Variants in FSCN2 observed in about 807,000 individuals in gnomAD.
FSCN2 encodes fascin actin-bundling protein 2, retinal, also known as fascin-2.
A neutral mutation model predicts 37.8 loss-of-function variants in FSCN2; 46 were observed. That is an observed-to-expected ratio of 1.22 (90% CI 0.96 to 1.56). The LOEUF is 1.56. Among genes scored for constraint, FSCN2 ranks in the 40% most tolerant of loss-of-function variants. The probability of loss-of-function intolerance (pLI) is 0.00; values close to 1 mark genes in which losing one functional copy is unlikely to be tolerated. For synonymous variants in FSCN2, 351 were observed against 309.4 expected, an observed-to-expected ratio of 1.13 and a Z score of -1.41; for missense variants, 844 against 730.4, an observed-to-expected ratio of 1.16 and a Z score of -1.79.
upstream of FSCN2, chr17:81,528,297 A>C: frequency 1.8e-6 from 1 of 559,782 alleles, no homozygotes; most frequent in Non-Finnish European, 3.2e-6. Flanking sequence ...CCTAAGCCGC[A>C]CGTCTCTGAT....
At position 81,536,759 on chromosome 17, in the gene FSCN2, A is replaced by C; in HGVS notation, c.1243A>C (p.Ser415Arg). 1 of 1,607,102 alleles carries C rather than the reference A, an allele frequency of 6.2e-7. No homozygotes were observed. Among genetic ancestry groups the C allele is most frequent in the Non-Finnish European group, 8.5e-7 (1 of 1,177,012 alleles). The change falls in exon 4 of 5, where the codon AGC (serine) becomes CGC (arginine). Residue 415 changes from serine to arginine, a missense_variant. Physicochemically the swap from Ser to Arg is moderately radical, Grantham distance 110. Coordinates refer to ENST00000417245, the MANE Select transcript of FSCN2 (RefSeq NM_012418.4). Reference protein sequence around the residue: ...NRSVYDVFHLSFSDGAYRIRG... With the variant: ...NRSVYDVFHLRFSDGAYRIRG... ...CTCCGTCTACGACGTCTTCCACCTGAGCTTCAGCGACGGCGCCTACCGGAT... is the reference window on the plus strand; with the variant it reads ...CTCCGTCTACGACGTCTTCCACCTGCGCTTCAGCGACGGCGCCTACCGGAT...
At chr17:81,534,315 C>T (rs529063428) in intron 1 of FSCN2, among the ~76,000 whole-genome samples, 1 of 152,292 alleles carries the variant, frequency 6.6e-6, no homozygotes, top group Non-Finnish European at 1.5e-5. Flanking sequence ...CCCAGCTGGA[C>T]AGGCCACCAG....
At chr17:81,531,193 T>C (rs1555671196) in intron 1 of FSCN2, among the ~76,000 whole-genome samples, 1 of 148,404 alleles carries the variant, frequency 6.7e-6, no homozygotes, top group African/African-American at 2.5e-5. Flanking sequence ...ATGGTGGTGA[T>C]GGTGGTGATG....
intron 1 of FSCN2, among the ~76,000 whole-genome samples, chr17:81,531,759 ATGATGGTGATGATAG>A (rs1315354245): frequency 8.2e-5 from 5 of 61,272 alleles, no homozygotes; most frequent in Non-Finnish European, 1.6e-4. Flanking sequence ...AGTGATGGCG[ATGATGGTGATGATAG>A]TGATGGTGAT....
At chr17:81,533,423 G>C (rs2032760662) in intron 1 of FSCN2, among the ~76,000 whole-genome samples, 1 of 152,212 alleles carries the variant, frequency 6.6e-6, no homozygotes, top group Admixed American at 6.5e-5. Flanking sequence ...CCGCTCAGCA[G>C]CTTCCCCGGA....
chr17:81,533,505 G>A (rs1283846489), intron 1 of FSCN2, among the ~76,000 whole-genome samples: 1 of 152,206 alleles, frequency 6.6e-6, no homozygotes, highest in Non-Finnish European at 1.5e-5. Context: ...CGCCCTCACG[G>A]TAGTAATGTG....
chr17:81,534,064 A>G (rs567872104), intron 1 of FSCN2, among the ~76,000 whole-genome samples: 1 of 152,300 alleles, frequency 6.6e-6, no homozygotes, highest in East Asian at 1.9e-4. Context: ...TGCTGGCACG[A>G]ATACTCGGTC....
At chr17:81,525,538 TAATG>T (rs2032326486), upstream of FSCN2, among the ~76,000 whole-genome samples, 1 of 144,760 alleles carries the variant, frequency 6.9e-6, no homozygotes, top group Admixed American at 7.0e-5. Context: ...CTGACCAACA[TAATG>T]AAGCCCCGTG....
chr17:81,515,919 G>A, the FSCN2 span, among the ~76,000 whole-genome samples: 1 of 152,232 alleles, frequency 6.6e-6, no homozygotes, highest in Non-Finnish European at 1.5e-5. Context: ...ATCTTGGCTC[G>A]CTGCAACCTC....
intron 1 of FSCN2, among the ~76,000 whole-genome samples, chr17:81,531,267 G>GTGGTGATGGTGA (rs2032553826): frequency 9.9e-6 from 1 of 101,242 alleles, no homozygotes; most frequent in Admixed American, 9.6e-5. Context: ...GATGATGGTG[G>GTGGTGATGGTGA]TGATGGCGGT....
intron 3 of FSCN2, 158 bp from the exon 4 acceptor site, chr17:81,536,464 C>T: frequency 6.6e-7 from 1 of 1,503,818 alleles, no homozygotes; most frequent in Admixed American, 2.0e-5. Flanking sequence ...ATCTCCGCTG[C>T]TGGGAACCCC....
intron 1 of FSCN2, among the ~76,000 whole-genome samples, chr17:81,531,576 G>GCGA (rs1568077694): frequency 2.6e-4 from 36 of 139,164 alleles, no homozygotes; most frequent in African/African-American, 8.4e-4. Flanking sequence ...GATAGTGATG[G>GCGA]TGATGATGGT....
Position 81,528,626 on chromosome 17 carries a change from A to T in FSCN2, c.95A>T (p.Lys32Met), listed in dbSNP as rs782534173. The T allele has an allele frequency of 3.7e-6, 6 of 1,606,494 alleles. No homozygotes were observed. The South Asian group carries it at 6.7e-5, about 18-fold the overall frequency. ...CTGACAGCTGAGAGCTTCGGCTTCAAGGTCAATGCCTCGGCACCCAGCCTC... is the reference window on the plus strand; with the variant it reads ...CTGACAGCTGAGAGCTTCGGCTTCATGGTCAATGCCTCGGCACCCAGCCTC... ...RYLTAESFGF[K>M]VNASAPSLKR... is the part of the protein sequence containing the mutation. Residue 32 changes from lysine to methionine, a missense_variant, in exon 1 of 5, where the codon AAG (lysine) becomes ATG (methionine). Physicochemically the swap from Lys to Met is moderately conservative, Grantham distance 95. Transcript: ENST00000417245.
chr17:81,532,695 G>A (rs905081864), intron 1 of FSCN2, among the ~76,000 whole-genome samples: 2 of 145,578 alleles, frequency 1.4e-5, no homozygotes, highest in Non-Finnish European at 3.0e-5. Context: ...GATGGTGATG[G>A]CGATAGTGAT....
the FSCN2 span, among the ~76,000 whole-genome samples, chr17:81,521,551 T>C: frequency 6.6e-6 from 1 of 152,124 alleles, no homozygotes; most frequent in Admixed American, 6.5e-5. Flanking sequence ...TTTGTATTTG[T>C]AGTAGAAATA....
In FSCN2 at chr17:81,528,913, G is replaced by C. The variant is rs2032445730; in HGVS notation, c.382G>C (p.Ala128Pro). Residue 128 changes from alanine (A) to proline (P), a missense_variant, in exon 1 of 5, where the codon GCC becomes CCC. By Grantham distance (27) the Ala-to-Pro change is conservative. Transcript: ENST00000417245. ...LSCFATAVSPAELWTVHLAIH... is the reference protein window; with the variant it reads ...LSCFATAVSPPELWTVHLAIH... ...CTGCTTCGCCACAGCCGTTTCCCCG[G>C]CCGAGCTGTGGACCGTGCACCTGGC... 10 of 1,589,258 alleles carry C rather than the reference G, an allele frequency of 6.3e-6. No individual in the cohort carries two copies. Among genetic ancestry groups the C allele is most frequent in the Non-Finnish European group, 8.5e-6 (10 of 1,171,536 alleles).
At chr17:81,525,352 G>A (rs925461977), upstream of FSCN2, among the ~76,000 whole-genome samples, 1 of 149,536 alleles carries the variant, frequency 6.7e-6, no homozygotes, top group Non-Finnish European at 1.5e-5. Flanking sequence ...CCTGAACCTG[G>A]GAGGTGGAGG....
chr17:81,536,248 G>T lies in FSCN2; in HGVS notation c.1086G>T (p.Ala362=). Residue 362 remains alanine (A), a synonymous_variant, in exon 3 of 5, where the codon GCG becomes GCT. Coordinates refer to ENST00000417245, the MANE Select transcript of FSCN2 (RefSeq NM_012418.4). ...GCATGAAGAAGAATGGGCAGCTGGC[G>T]GCTATCAGCGATTTTGTCGGTGAGC... ...YVCMKKNGQL[A]AISDFVGKDE... is the part of the protein sequence containing the mutation. 1 of 1,600,528 alleles carries T rather than the reference G, an allele frequency of 6.2e-7. No homozygotes were observed. Among genetic ancestry groups the T allele is most frequent in the Non-Finnish European group, 8.5e-7 (1 of 1,174,464 alleles).
the FSCN2 span, among the ~76,000 whole-genome samples, chr17:81,523,320 G>T: frequency 1.3e-5 from 2 of 152,186 alleles, no homozygotes; most frequent in Non-Finnish European, 2.9e-5. Flanking sequence ...CTGCCTTGCC[G>T]ATGGAGCCTG....
Sources: allele counts gnomAD v4.1 joint callset (sites outside exome capture counted in the v4.1 genomes callset), GRCh38; gene constraint gnomAD v4.1.1; transcripts MANE v1.5; gene names NCBI Gene and HGNC (gene_info 2026-07-23, HGNC 2026-07-21).